NEURL1: variants seen among roughly 807,000 people sequenced by gnomAD.
NEURL1 encodes neuralized E3 ubiquitin protein ligase 1.
A neutral mutation model predicts 41.2 loss-of-function variants in NEURL1; 26 were observed. The observed-to-expected ratio is 0.63, with a 90% CI of 0.46 to 0.87. The LOEUF (loss-of-function observed/expected upper bound fraction) is 0.87, where lower values mean the gene tolerates loss of function less well. NEURL1 is among the 40% of genes least tolerant of loss of function. The probability of loss-of-function intolerance (pLI) is 0.00; values close to 1 mark genes in which losing one functional copy is unlikely to be tolerated. For synonymous variants in NEURL1, 400 were observed against 402.3 expected, an observed-to-expected ratio of 0.99 and a Z score of 0.07; for missense variants, 761 against 871.1, an observed-to-expected ratio of 0.87 and a Z score of 1.59.
intron 1 of NEURL1, among the ~76,000 whole-genome samples, chr10:103,554,708 G>A: frequency 6.6e-6 from 1 of 152,194 alleles, no homozygotes; most frequent in South Asian, 2.1e-4. Flanking sequence ...GACCAAAGGA[G>A]TTAATACTTG....
chr10:103,503,646 C>T (rs1189099527), intron 1 of NEURL1, among the ~76,000 whole-genome samples: 1 of 152,132 alleles, frequency 6.6e-6, no homozygotes. Context: ...GTGAGAAATG[C>T]AATAGGTGAG....
chr10:103,504,600 G>A (rs1476779074), intron 1 of NEURL1, among the ~76,000 whole-genome samples: 1 of 152,166 alleles, frequency 6.6e-6, no homozygotes, highest in Admixed American at 6.5e-5. Flanking sequence ...CCATTGTGCA[G>A]TTAAAGTTAC....
chr10:103,582,535 G>T (rs183621481), intron 3 of NEURL1, among the ~76,000 whole-genome samples: 2 of 152,232 alleles, frequency 1.3e-5, no homozygotes, highest in African/African-American at 2.4e-5. Flanking sequence ...AGGAGGCTTG[G>T]GGGGAAGGGC....
At chr10:103,553,498 C>T (rs926519849) in intron 1 of NEURL1, among the ~76,000 whole-genome samples, 13 of 151,726 alleles carry the variant, frequency 8.6e-5, no homozygotes, top group Non-Finnish European at 1.6e-4. Flanking sequence ...TGGCTTCTCC[C>T]GGAAGTCGTG....
At chr10:103,553,781 C>T (rs538723643) in intron 1 of NEURL1, among the ~76,000 whole-genome samples, 2 of 152,350 alleles carry the variant, frequency 1.3e-5, no homozygotes, top group South Asian at 4.1e-4. Flanking sequence ...CCTCTGTCCT[C>T]CCACCTGCCC....
rs555425439 is a variant in NEURL1 at position 103,537,405 on chromosome 10, A to G, written c.86-33467A>G. Among the ~76,000 whole-genome samples, 411 of 152,000 alleles carry G rather than the reference A, an allele frequency of 2.7e-3. 8 individuals are homozygous for G. The highest frequency in any genetic ancestry group is 8.3e-4 in the South Asian group (4 of 4,802). On this transcript the variant is annotated intron_variant, in intron 1 of 5. Coordinates refer to ENST00000369780, the MANE Select transcript of NEURL1 (RefSeq NM_004210.5). ...CCCTACTCCCTCCTCTCGCACTCTT[A>G]TATATATTTTTTGAGACAGGGTCTC...
At chr10:103,534,983 A>C (rs1307863267) in intron 1 of NEURL1, among the ~76,000 whole-genome samples, 1 of 152,112 alleles carries the variant, frequency 6.6e-6, no homozygotes, top group African/African-American at 2.4e-5. Context: ...CCTGGGAAGA[A>C]GTGCTCTAAA....
chr10:103,564,570 G>A (rs1170284637), intron 1 of NEURL1, among the ~76,000 whole-genome samples: 3 of 152,244 alleles, frequency 2.0e-5, no homozygotes, highest in African/African-American at 4.8e-5. Context: ...ACCACAGGCT[G>A]AGTAGGGTAA....
Position 103,567,857 on chromosome 10 carries a change from G to A in NEURL1, c.86-3015G>A, listed in dbSNP as rs1044051678. Among the ~76,000 whole-genome samples, 6 of 152,214 alleles carry A rather than the reference G, an allele frequency of 3.9e-5. No individual in the cohort carries two copies. In the East Asian group the frequency reaches 5.8e-4, roughly 15 times the overall value. On this transcript the variant is annotated intron_variant, in intron 1 of 5. Coordinates refer to ENST00000369780, the MANE Select transcript of NEURL1 (RefSeq NM_004210.5). ...TAAATTGGTTGATAATAAGTTTGCC[G>A]TAAGAGTGAAACCAGTAAGTGTATG...
rs141902653 is a variant in NEURL1 at position 103,544,503 on chromosome 10, T to C, written c.86-26369T>C. On this transcript the variant is annotated intron_variant, in intron 1 of 5. Coordinates refer to ENST00000369780, the MANE Select transcript of NEURL1 (RefSeq NM_004210.5). ...ATTCAGGGAACTCCTGGTTCAGAGA[T>C]AAAGTGAACCAGTCCAAAGCCTCTA... Among the ~76,000 whole-genome samples the C allele has an allele frequency of 7.6e-4, 116 of 152,216 alleles. 1 individual carries two copies. The East Asian group carries it at 0.021, about 28-fold the overall frequency.
chr10:103,540,901 T>C (rs2034807795), intron 1 of NEURL1, among the ~76,000 whole-genome samples: 1 of 152,248 alleles, frequency 6.6e-6, no homozygotes, highest in Admixed American at 6.5e-5. Context: ...ATGGGCCACA[T>C]CAGTCATTTC....
chr10:103,588,692 A>G (rs1197792334), intron 4 of NEURL1: 6 of 429,468 alleles, frequency 1.4e-5, no homozygotes, highest in Non-Finnish European at 2.8e-5. Flanking sequence ...CACCCCAGCA[A>G]TCCCAGCACT....
intron 1 of NEURL1, among the ~76,000 whole-genome samples, chr10:103,538,345 C>T (rs1192967763): frequency 6.6e-6 from 1 of 152,136 alleles, no homozygotes; most frequent in East Asian, 1.9e-4. Flanking sequence ...CCAAGGCAGG[C>T]GGATCACCTG....
intron 2 of NEURL1, 87 bp downstream of exon 2, chr10:103,571,200 C>A: frequency 2.2e-6 from 3 of 1,366,286 alleles, no homozygotes; most frequent in Non-Finnish European, 3.0e-6. Flanking sequence ...TGCCCCTCAG[C>A]CGCTGCCTGC....
chr10:103,533,212 C>T (rs533681229), intron 1 of NEURL1, among the ~76,000 whole-genome samples: 1 of 152,080 alleles, frequency 6.6e-6, no homozygotes, highest in South Asian at 2.1e-4. Flanking sequence ...CAAGCTTGAG[C>T]CACTGTGCCT....
Position 103,570,870 on chromosome 10 carries a change from A to G in NEURL1, c.86-2A>G. ...CTGACACCGTGGCCTGTTCCTTTGC[A>G]GACTCTATCGGGGGCCCCTTCCCCG... On this transcript the variant is annotated splice_acceptor_variant, in intron 1 of 5. Transcript: ENST00000369780. LOFTEE classifies it high-confidence loss of function. The G allele has an allele frequency of 6.2e-7, 1 of 1,611,708 alleles. No homozygotes were observed. The highest frequency in any genetic ancestry group is 8.5e-7 in the Non-Finnish European group (1 of 1,178,596).
intron 3 of NEURL1, among the ~76,000 whole-genome samples, chr10:103,575,871 A>G (rs1592236124): frequency 6.6e-6 from 1 of 152,350 alleles, no homozygotes; most frequent in African/African-American, 2.4e-5. Context: ...TGATTAATAC[A>G]TGGAAAAAGA....
intron 1 of NEURL1, among the ~76,000 whole-genome samples, chr10:103,541,281 A>G (rs2034815561): frequency 6.6e-6 from 1 of 152,228 alleles, no homozygotes; most frequent in African/African-American, 2.4e-5. Context: ...ACATACATAC[A>G]TAATCAGGGG....
Position 103,566,349 on chromosome 10 carries a change from C to T in NEURL1, c.86-4523C>T, listed in dbSNP as rs1163607187. 6.6e-6 allele frequency among the ~76,000 whole-genome samples: 1 copy of T among 152,156 alleles called. No homozygotes were observed. Among genetic ancestry groups the T allele is most frequent in the Non-Finnish European group, 1.5e-5 (1 of 68,040 alleles). Reference sequence around the variant, plus strand: ...TTCTATCGCCATAAAAACTTCCTTCCTGCCTCTTTGTAGTCAAATCTCTCC... The same window carrying T: ...TTCTATCGCCATAAAAACTTCCTTCTTGCCTCTTTGTAGTCAAATCTCTCC... On this transcript the variant is annotated intron_variant, in intron 1 of 5. Coordinates refer to ENST00000369780, the MANE Select transcript of NEURL1 (RefSeq NM_004210.5). The surrounding 1 kb of genome is among the most constrained non-coding windows in gnomAD (Gnocchi z 4.2).
Sources: gnomAD v4.1 joint callset for allele counts (sites outside exome capture counted in the v4.1 genomes callset) on GRCh38, gnomAD v4.1.1 for gene constraint, Gnocchi (gnomAD v3.1) non-coding constraint, MANE v1.5 for transcripts, NCBI Gene and HGNC (gene_info 2026-07-23, HGNC 2026-07-21) for gene names.